ST18: variants seen among roughly 807,000 people sequenced by gnomAD.
ST18 encodes suppression of tumorigenicity 18 protein.
In ST18, 50 loss-of-function variants were observed where a neutral mutation model predicts 110.0. That is an observed-to-expected ratio of 0.45 (90% confidence interval 0.36 to 0.58). The LOEUF is 0.58. Among genes scored for constraint, ST18 ranks in the 20% least tolerant of loss-of-function variants. The pLI, the probability that ST18 is intolerant of heterozygous loss-of-function variation, is 0.00. For synonymous variants in ST18, 461 were observed against 452.4 expected (o/e 1.02, Z -0.24); for missense variants, 1,306 against 1,280.1 (o/e 1.02, Z -0.31).
chr8:52,167,840 C>A (rs1168135301), intron 10 of ST18, among the ~76,000 whole-genome samples: 1 of 152,070 alleles, frequency 6.6e-6, no homozygotes, highest in Non-Finnish European at 1.5e-5. Context: ...CCTGCTCATG[C>A]ATTTTCTGGG....
chr8:52,347,488 A>C (rs900746077), intron 2 of ST18, among the ~76,000 whole-genome samples: 36 of 152,248 alleles, frequency 2.4e-4, no homozygotes, highest in African/African-American at 8.0e-4. Flanking sequence ...AAAGTAATCA[A>C]TAGAAGAACT....
intron 2 of ST18, among the ~76,000 whole-genome samples, chr8:52,354,012 T>C (rs1452256221): frequency 1.3e-5 from 2 of 152,244 alleles, no homozygotes; most frequent in Non-Finnish European, 2.9e-5. Context: ...GAACAGCGTC[T>C]TCCGAATCCA....
chr8:52,220,134 A>T (rs2360802), intron 5 of ST18, among the ~76,000 whole-genome samples: 41,066 of 151,984 alleles, frequency 0.27, 6,117 homozygotes, highest in African/African-American at 0.38. Flanking sequence ...ATATCCCCAG[A>T]TTAAAGAAAA....
intron 2 of ST18, among the ~76,000 whole-genome samples, chr8:52,373,484 C>G (rs1392588601): frequency 6.6e-6 from 1 of 152,028 alleles, no homozygotes; most frequent in Admixed American, 6.6e-5. Context: ...CTGAGCCCTC[C>G]CCTCCAGTGA....
rs1363150189 is a variant in ST18, at chr8:52,221,683, T to G, written c.-308A>C. 1 of 152,248 alleles carries G rather than the reference T, an allele frequency of 6.6e-6. No homozygotes were observed. The highest frequency in any genetic ancestry group is 1.9e-4 in the East Asian group (1 of 5,198). The allele number at this position is 152,248 out of a possible 1,614,324, so 9.4% of individuals were successfully genotyped here. A position where few individuals can be genotyped will look rare whatever the true frequency, so the allele number is the denominator to read the frequency against. ...CTACCGTCCTGCCTTCTCTACCCTT[T>G]GCAGTATATCAAAGTGCTCAGCTTT... On this transcript the variant is annotated 5_prime_UTR_variant, in exon 4 of 26. Coordinates refer to ENST00000689386, the MANE Select transcript of ST18 (RefSeq NM_001352837.2).
chr8:52,232,722 C>T (rs2091766300), intron 2 of ST18, among the ~76,000 whole-genome samples: 1 of 151,934 alleles, frequency 6.6e-6, no homozygotes, highest in South Asian at 2.1e-4. Flanking sequence ...TTTTGCAATA[C>T]TGTTCACAGG....
chr8:52,119,535 G>T (rs1158791309), intron 23 of ST18, among the ~76,000 whole-genome samples: 4 of 152,052 alleles, frequency 2.6e-5, no homozygotes, highest in Non-Finnish European at 5.9e-5. Context: ...GACTACTTTG[G>T]GAAATAATCC....
At position 52,341,731 on chromosome 8, in the gene ST18, A is replaced by AT. The variant is rs1273880847; in HGVS notation, c.-465+67596dup. Reference sequence around the variant, plus strand: ...AGATTCACTTTGATAGAATAGTGAGATTTTCCTTGCACTTCCCACTCAATG... The same window carrying AT: ...AGATTCACTTTGATAGAATAGTGAGATTTTTCCTTGCACTTCCCACTCAATG... On this transcript the variant is annotated intron_variant, in intron 2 of 25. Coordinates refer to ENST00000689386, the MANE Select transcript of ST18 (RefSeq NM_001352837.2). Among the ~76,000 whole-genome samples the AT allele has an allele frequency of 3.3e-5, 5 of 152,170 alleles. No homozygotes were observed. In the South Asian group the frequency reaches 1.0e-3, roughly 32 times the overall value.
chr8:52,180,421 G>C, intron 8 of ST18, 109 bp from the exon 9 acceptor site: 1 of 1,228,184 alleles, frequency 8.1e-7, no homozygotes, highest in Admixed American at 2.1e-5. Context: ...TGGGACTAGA[G>C]GTTTAGGGTT....
At chr8:52,176,333 A>C (rs1347372115) in intron 9 of ST18, among the ~76,000 whole-genome samples, 7 of 152,146 alleles carry the variant, frequency 4.6e-5, no homozygotes, top group Non-Finnish European at 1.0e-4. Context: ...ATTGTCAGGT[A>C]ACTTTCAATG....
At chr8:52,314,051 T>C (rs1302191285) in intron 2 of ST18, among the ~76,000 whole-genome samples, 1 of 152,172 alleles carries the variant, frequency 6.6e-6, no homozygotes, top group African/African-American at 2.4e-5. Flanking sequence ...GACTCTTCCC[T>C]GGTAGTCTCT....
At chr8:52,394,695 T>C (rs1037230754) in intron 2 of ST18, among the ~76,000 whole-genome samples, 2 of 152,228 alleles carry the variant, frequency 1.3e-5, no homozygotes, top group Admixed American at 6.5e-5. Context: ...TGCCACAAAA[T>C]GAACACTGAG....
chr8:52,282,968 C>A (rs944206997), intron 2 of ST18, among the ~76,000 whole-genome samples: 1 of 152,162 alleles, frequency 6.6e-6, no homozygotes, highest in South Asian at 2.1e-4. Context: ...TACTGTGCCA[C>A]GAAGGGTACA....
chr8:52,141,242 G>A (rs986160827), intron 17 of ST18, among the ~76,000 whole-genome samples: 2 of 152,128 alleles, frequency 1.3e-5, no homozygotes, highest in Admixed American at 6.5e-5. Context: ...TGACGGACTC[G>A]GAATAATTTT....
rs147468803 is a variant in ST18 at position 52,293,994 on chromosome 8, G to T, written c.-464-63917C>A. 2.0e-4 allele frequency among the ~76,000 whole-genome samples: 31 copies of T among 152,270 alleles called. No individual in the cohort carries two copies. The East Asian group carries it at 3.1e-3, about 15-fold the overall frequency. On this transcript the variant is annotated intron_variant, in intron 2 of 25. Transcript: ENST00000689386. ...GGTTTCACGCAGTGGCCCATAGCCC[G>T]CTTTTCCATATGCTTTTGCACACAC... is the stretch of plus-strand genomic sequence containing the variant.
At chr8:52,149,644 A>G in intron 16 of ST18, 88 bp downstream of exon 16, 1 of 1,489,752 alleles carries the variant, frequency 6.7e-7, no homozygotes, top group Non-Finnish European at 9.0e-7. Context: ...CTAAACAGGA[A>G]TGTGAAATAT....
Position 52,172,438 on chromosome 8 carries a change from A to G in ST18, c.423T>C (p.Ser141=). The stretch of plus-strand genomic sequence containing the variant: ...TTAAATTTTCACTTACAGTCTGAAC[A>G]GATACATTTTTTTCAAATTTCCCCA... ...MHLGKFEKNV[S]VQTVSENLND... Residue 141 remains serine (S), a synonymous_variant, in exon 10 of 26, where the codon TCT becomes TCC. Coordinates refer to ENST00000689386, the MANE Select transcript of ST18 (RefSeq NM_001352837.2). 6.2e-7 allele frequency: 1 copy of G among 1,613,912 alleles called. No homozygotes were observed. The highest frequency in any genetic ancestry group is 8.5e-7 in the Non-Finnish European group (1 of 1,180,030).
At chr8:52,225,850 T>G (rs2089179692) in intron 3 of ST18, among the ~76,000 whole-genome samples, 1 of 152,150 alleles carries the variant, frequency 6.6e-6, no homozygotes, top group African/African-American at 2.4e-5. Context: ...ATTCTCCCAG[T>G]CTGTATTGTT....
intron 2 of ST18, among the ~76,000 whole-genome samples, chr8:52,255,612 T>C (rs535696415): frequency 3.4e-4 from 52 of 152,192 alleles, no homozygotes; most frequent in African/African-American, 1.2e-3. Context: ...CATATTAACA[T>C]TTTTAAAACT....
Sources: allele counts gnomAD v4.1 joint callset (sites outside exome capture counted in the v4.1 genomes callset), GRCh38; gene constraint gnomAD v4.1.1; transcripts MANE v1.5; gene names NCBI Gene and HGNC (gene_info 2026-07-23, HGNC 2026-07-21).